WDR36: variants seen among roughly 807,000 people sequenced by gnomAD.
WDR36 encodes WD repeat domain 36, also known as WD repeat-containing protein 36.
WDR36 carries 63 observed loss-of-function variants against 112.7 expected under a neutral mutation model. That is an observed-to-expected ratio of 0.56 (90% CI 0.46 to 0.69). The LOEUF (loss-of-function observed/expected upper bound fraction) is 0.69. Ranked by LOEUF, WDR36 falls within the 30% of genes least tolerant of loss-of-function variation. WDR36 has a pLI of 0.00. For synonymous variants in WDR36, 410 were observed against 362.2 expected (o/e 1.13, Z -1.50); for missense variants, 1,226 against 1,070.3 (o/e 1.15, Z -2.03).
In WDR36 at chr5:111,119,106, T is replaced by C; in HGVS notation, c.1890T>C (p.Leu630=). 6.2e-7 allele frequency: 1 copy of C among 1,611,842 alleles called. No homozygotes were observed. The highest frequency in any genetic ancestry group is 8.5e-7 in the Non-Finnish European group (1 of 1,177,998). ...DFLATSHVDH[L]GIYLWSNISL... ...TGGCAACTTCCCATGTGGACCACCTTGGAATTTATCTATGGTAAGTTCTTT... is the reference window on the plus strand; with the variant it reads ...TGGCAACTTCCCATGTGGACCACCTCGGAATTTATCTATGGTAAGTTCTTT... The change falls in exon 17 of 23, where the codon CTT becomes CTC. Residue 630 remains leucine, a synonymous_variant. Coordinates refer to ENST00000513710, the MANE Select transcript of WDR36 (RefSeq NM_139281.3).
chr5:111,126,759 A>G lies in WDR36; in HGVS notation c.2564A>G (p.Glu855Gly). Residue 855 changes from glutamate to glycine, a missense_variant, in exon 23 of 23, where the codon GAG becomes GGG. By Grantham distance (98) the Glu-to-Gly change is moderately conservative. Coordinates refer to ENST00000513710, the MANE Select transcript of WDR36 (RefSeq NM_139281.3). ...TTACACCTTAAAATGCTTCCTTCAG[A>G]GCCAGTACTCCTAGAAGAAATAACA... ...LKLHLKMLPS[E>G]PVLLEEITNL... 1.2e-6 allele frequency: 2 copies of G among 1,613,840 alleles called. No individual in the cohort carries two copies. The highest frequency in any genetic ancestry group is 1.7e-4 in the Middle Eastern group (1 of 6,056).
intron 19 of WDR36, among the ~76,000 whole-genome samples, chr5:111,122,848 G>A (rs1269162617): frequency 6.6e-6 from 1 of 152,168 alleles, no homozygotes; most frequent in Non-Finnish European, 1.5e-5. Context: ...GGGGCACGGT[G>A]GCGCACGCCT....
rs1753722703 is a variant in WDR36 at position 111,128,583 on chromosome 5, A to G, written c.*1700A>G. The G allele has an allele frequency of 5.6e-6, 1 of 179,480 alleles. No individual in the cohort carries two copies. Among genetic ancestry groups the G allele is most frequent in the Non-Finnish European group, 1.2e-5 (1 of 83,662 alleles). The allele number at this position is 179,480 out of a possible 1,614,324, so 11.1% of individuals were successfully genotyped here. ...TAAATAACTAAAACAAAATGATAAG[A>G]GCTGTGAACTGAAATTGTATTGCTT... is the stretch of plus-strand genomic sequence containing the variant. On this transcript the variant is annotated 3_prime_UTR_variant, in exon 23 of 23. Transcript: ENST00000513710.
chr5:111,118,993 C>T lies in WDR36; in HGVS notation c.1797-20C>T, dbSNP rs752073921. The T allele has an allele frequency of 1.8e-5, 28 of 1,581,344 alleles. No individual in the cohort carries two copies. Among genetic ancestry groups the T allele is most frequent in the Non-Finnish European group, 2.3e-5 (27 of 1,150,856 alleles). ...TTTGGTAGAGTTCAAATACTTTTAA[C>T]ATGTTAATTATTTCTGTAGCCTTAT... On this transcript the variant is annotated intron_variant, in intron 16 of 22. Coordinates refer to ENST00000513710, the MANE Select transcript of WDR36 (RefSeq NM_139281.3).
chr5:111,107,952 T>C (rs78601678), intron 12 of WDR36, among the ~76,000 whole-genome samples: 2,227 of 151,360 alleles, frequency 0.015, 51 homozygotes, highest in African/African-American at 0.051. Context: ...TTTTTCAAGA[T>C]TGTTTTGGCT....
chr5:111,102,346 A>G lies in WDR36; in HGVS notation c.544A>G (p.Lys182Glu), dbSNP rs762142269. ...SLQLWNVKSNKLLYTFPGWKV... is the reference protein window; with the variant it reads ...SLQLWNVKSNELLYTFPGWKV... ...TTTCAACTATTTTTCTTCTTGTAGT[A>G]AACTTCTATATACATTTCCAGGATG... The change falls in exon 6 of 23, where the codon AAA becomes GAA. Residue 182 changes from lysine to glutamate, a missense_variant and splice_region_variant. Lys to Glu is a moderately conservative substitution (Grantham distance 56). Transcript: ENST00000513710. 6.7e-5 allele frequency: 108 copies of G among 1,605,322 alleles called. No homozygotes were observed. The Middle Eastern group carries it at 1.0e-3, about 15-fold the overall frequency.
In WDR36 at chr5:111,119,137, A is replaced by C. The variant is rs1350664846; in HGVS notation, c.1904+17A>C. 6.3e-7 allele frequency: 1 copy of C among 1,580,848 alleles called. No homozygotes were observed. Among genetic ancestry groups the C allele is most frequent in the African/African-American group, 1.3e-5 (1 of 74,114 alleles). ...TTATCTATGGTAAGTTCTTTCATAC[A>C]GTTCTGTTTTGGGATGAAGAAGATT... On this transcript the variant is annotated intron_variant, in intron 17 of 22. Transcript: ENST00000513710.
At position 111,119,044 on chromosome 5, in the gene WDR36, C is replaced by T. The variant is rs1458808420; in HGVS notation, c.1828C>T (p.Pro610Ser). ...LIDCFLLDSA[P>S]LNVSMSPTGD... Reference sequence around the variant, plus strand: ...AGACTGCTTTTTGTTGGACTCGGCTCCTCTCAATGTTTCTATGTCTCCTAC... The same window carrying T: ...AGACTGCTTTTTGTTGGACTCGGCTTCTCTCAATGTTTCTATGTCTCCTAC... The change falls in exon 17 of 23, where the codon CCT becomes TCT. Residue 610 changes from proline to serine, a missense_variant. Pro to Ser is a moderately conservative substitution (Grantham distance 74). Coordinates refer to ENST00000513710, the MANE Select transcript of WDR36 (RefSeq NM_139281.3). The T allele has an allele frequency of 6.2e-6, 10 of 1,613,566 alleles. No individual in the cohort carries two copies. The highest frequency in any genetic ancestry group is 1.3e-5 in the African/African-American group (1 of 74,988).
intron 1 of WDR36, 50 bp downstream of exon 1, chr5:111,092,668 TCTAA>T: frequency 6.4e-7 from 1 of 1,566,616 alleles, no homozygotes; most frequent in Non-Finnish European, 8.6e-7. Context: ...CTCCTTGGCC[TCTAA>T]CTCTGTCCTG....
At chr5:111,107,012 T>A (rs1753234312) in intron 11 of WDR36, among the ~76,000 whole-genome samples, 1 of 151,424 alleles carries the variant, frequency 6.6e-6, no homozygotes, top group South Asian at 2.1e-4. Context: ...TTTCTTCTGA[T>A]TAGAATCTCT....
At chr5:111,093,471 A>T (rs1011227941) in intron 1 of WDR36, among the ~76,000 whole-genome samples, 15 of 152,212 alleles carry the variant, frequency 9.9e-5, no homozygotes, top group African/African-American at 3.4e-4. Flanking sequence ...GGTAGGAACT[A>T]GTTGAGTTAG....
chr5:111,102,301 CA>C (rs35339070), intron 5 of WDR36, 43 bp from the exon 6 acceptor site: 68,257 of 1,236,244 alleles, frequency 0.055, 2 homozygotes, highest in East Asian at 0.062. Flanking sequence ...TGTTTTCCTC[CA>C]AAAAAAAAAA....
chr5:111,108,017 C>CA (rs1163981829), intron 12 of WDR36, among the ~76,000 whole-genome samples: 8 of 150,526 alleles, frequency 5.3e-5, no homozygotes, highest in South Asian at 2.1e-4. Flanking sequence ...TCAATTTCTG[C>CA]AAAAAAAAGC....
Position 111,102,364 on chromosome 5 carries a change from C to G in WDR36, c.562C>G (p.Pro188Ala), listed in dbSNP as rs1235784312. 4 of 1,609,054 alleles carry G rather than the reference C, an allele frequency of 2.5e-6. No individual in the cohort carries two copies. The highest frequency in any genetic ancestry group is 3.4e-6 in the Non-Finnish European group (4 of 1,177,442). The stretch of plus-strand genomic sequence containing the variant: ...TTGTAGTAAACTTCTATATACATTT[C>G]CAGGATGGAAAGTTGGAGTGACAGC... ...VKSNKLLYTF[P>A]GWKVGVTALQ... Residue 188 changes from proline (P) to alanine (A), a missense_variant, in exon 6 of 23, where the codon CCA becomes GCA. Coordinates refer to ENST00000513710, the MANE Select transcript of WDR36 (RefSeq NM_139281.3).
Position 111,121,067 on chromosome 5 carries a change from A to C in WDR36, c.2074A>C (p.Asn692His). 6.2e-7 allele frequency: 1 copy of C among 1,613,654 alleles called. No homozygotes were observed. ...AGAATATGATTCGCCAGAACAGTTG[A>C]ATGAGCAATTGGTGACTCTTTCACT... is the stretch of plus-strand genomic sequence containing the variant. Reference protein sequence around the residue: ...LIEYDSPEQLNEQLVTLSLLP... With the variant: ...LIEYDSPEQLHEQLVTLSLLP... The change falls in exon 19 of 23, where the codon AAT becomes CAT. Residue 692 changes from asparagine to histidine, a missense_variant. Coordinates refer to ENST00000513710, the MANE Select transcript of WDR36 (RefSeq NM_139281.3).
At position 111,092,706 on chromosome 5, in the gene WDR36, A is replaced by G. The variant is rs577355041; in HGVS notation, c.162+88A>G. ...TGGAGCAGTCCGGTTCTCCCTTCCC[A>G]TTTACCACGGGCTTCCCTTCTTTAA... is the stretch of plus-strand genomic sequence containing the variant. On this transcript the variant is annotated intron_variant, in intron 1 of 22. Coordinates refer to ENST00000513710, the MANE Select transcript of WDR36 (RefSeq NM_139281.3). 1.2e-4 allele frequency: 164 copies of G among 1,411,474 alleles called. No homozygotes were observed. The African/African-American group carries it at 2.1e-3, about 18-fold the overall frequency. The allele number at this position is 1,411,474 out of a possible 1,614,324, so 87.4% of individuals were successfully genotyped here.
intron 15 of WDR36, 104 bp downstream of exon 15, chr5:111,111,382 T>C: frequency 1.1e-6 from 1 of 940,080 alleles, no homozygotes; most frequent in Non-Finnish European, 1.7e-6. Context: ...GTTATCAATT[T>C]TAATTTGCAG....
At position 111,125,640 on chromosome 5, in the gene WDR36, G is replaced by A. The variant is rs543344324; in HGVS notation, c.2383G>A (p.Gly795Ser). 1 of 1,613,716 alleles carries A rather than the reference G, an allele frequency of 6.2e-7. No individual in the cohort carries two copies. Among genetic ancestry groups the A allele is most frequent in the Non-Finnish European group, 8.5e-7 (1 of 1,179,800 alleles). Residue 795 changes from glycine to serine, a missense_variant, in exon 22 of 23, where the codon GGC becomes AGC. By Grantham distance (56) the Gly-to-Ser change is moderately conservative. Transcript: ENST00000513710. ...TGCTCTCAACCTTCTGAAAGAATCAGGCCCATCAGGAATTGAAACAGAGCT... is the reference window on the plus strand; with the variant it reads ...TGCTCTCAACCTTCTGAAAGAATCAAGCCCATCAGGAATTGAAACAGAGCT... Reference protein sequence around the residue: ...DTALNLLKESGPSGIETELRS... With the variant: ...DTALNLLKESSPSGIETELRS...
In WDR36 at chr5:111,129,657, T is replaced by G. The variant is rs967625935; in HGVS notation, c.*2774T>G. On this transcript the variant is annotated 3_prime_UTR_variant, in exon 23 of 23. Transcript: ENST00000513710. ...TTTTCTCCTACTTAGCCATTTGGCT[T>G]TAATTTTACATGGTGTCTGTTTAAA... 2 of 205,242 alleles carry G rather than the reference T, an allele frequency of 9.7e-6. No homozygotes were observed. Among genetic ancestry groups the G allele is most frequent in the African/African-American group, 4.6e-5 (2 of 43,804 alleles). 12.7% of individuals were successfully genotyped at this position (205,242 alleles called of 1,614,324 possible).
Sources: allele counts gnomAD v4.1 joint callset (sites outside exome capture counted in the v4.1 genomes callset), GRCh38; gene constraint gnomAD v4.1.1; transcripts MANE v1.5; gene names NCBI Gene and HGNC (gene_info 2026-07-23, HGNC 2026-07-21).